The following NTM variants were observed in gnomAD, a reference collection of about 807,000 sequenced individuals.
The protein encoded by NTM is IgLON family member 2.
NTM carries 13 observed loss-of-function variants against 42.1 expected under a neutral mutation model. The ratio of observed to expected loss-of-function variants is 0.31; its 90% CI spans 0.20 to 0.49. The LOEUF (loss-of-function observed/expected upper bound fraction) is 0.49. Among genes scored for constraint, NTM ranks in the 20% least tolerant of loss-of-function variants. The pLI is 0.99. For synonymous variants in NTM, 187 were observed against 179.2 expected (o/e 1.04, Z -0.35); for missense variants, 373 against 452.8 (o/e 0.82, Z 1.60).
rs2081238365 is a variant in NTM, at chr11:131,741,819, CA to C, written c.83-169743del. The stretch of plus-strand genomic sequence containing the variant: ...CAGAGGACTGTCGAAGACACGGAAT[CA>C]ACCTAAACGTCCATCAGTGGTAGAT... On this transcript the variant is annotated intron_variant, in intron 1 of 8. Coordinates refer to ENST00000683400, the MANE Select transcript of NTM (RefSeq NM_001352005.2). Among the ~76,000 whole-genome samples the C allele has an allele frequency of 2.0e-5, 3 of 152,290 alleles. No individual in the cohort carries two copies. The South Asian group carries it at 6.2e-4, about 32-fold the overall frequency.
At chr11:131,551,082 G>T (rs528221590) in intron 1 of NTM, among the ~76,000 whole-genome samples, 76 of 152,222 alleles carry the variant, frequency 5.0e-4, no homozygotes, top group African/African-American at 1.7e-3. Context: ...TGTTGCCCAG[G>T]CTGGACTTGA....
intron 2 of NTM, among the ~76,000 whole-genome samples, chr11:131,988,653 C>T (rs2066482403): frequency 6.6e-6 from 1 of 152,122 alleles, no homozygotes; most frequent in African/African-American, 2.4e-5. Flanking sequence ...TTGCCACATC[C>T]ATTTAAATCA....
At chr11:132,171,873 G>A (rs1329533734) in intron 3 of NTM, among the ~76,000 whole-genome samples, 2 of 152,212 alleles carry the variant, frequency 1.3e-5, no homozygotes, top group Admixed American at 6.5e-5. Context: ...CCCCTCTCTT[G>A]TTGGGACTGT....
At chr11:131,687,575 C>T (rs1275065128) in intron 1 of NTM, among the ~76,000 whole-genome samples, 3 of 152,218 alleles carry the variant, frequency 2.0e-5, no homozygotes, top group South Asian at 2.1e-4. Flanking sequence ...CCTTCGCCCC[C>T]GGGGGTGGCT....
intron 1 of NTM, among the ~76,000 whole-genome samples, chr11:131,801,754 G>A (rs780542962): frequency 1.3e-5 from 2 of 152,194 alleles, no homozygotes; most frequent in South Asian, 4.1e-4. Context: ...ATGGTGGCAC[G>A]GGAACCAGGC....
chr11:132,201,697 A>T (rs1037695244), intron 3 of NTM, among the ~76,000 whole-genome samples: 7 of 152,238 alleles, frequency 4.6e-5, no homozygotes, highest in Non-Finnish European at 8.8e-5. Flanking sequence ...TACAGCAAAC[A>T]ATTATGCTGT....
chr11:132,030,647 G>A (rs1224888771), intron 2 of NTM, among the ~76,000 whole-genome samples: 2 of 152,232 alleles, frequency 1.3e-5, no homozygotes, highest in African/African-American at 4.8e-5. Context: ...ATATTGTGGA[G>A]TTGGAAGAGG....
intron 3 of NTM, among the ~76,000 whole-genome samples, chr11:132,160,241 G>C (rs2074005777): frequency 6.6e-6 from 1 of 152,162 alleles, no homozygotes; most frequent in African/African-American, 2.4e-5. Flanking sequence ...CATTCATATG[G>C]CAAATGAATT....
chr11:131,469,275 G>T (rs1952190201), intron 1 of NTM, among the ~76,000 whole-genome samples: 1 of 152,206 alleles, frequency 6.6e-6, no homozygotes, highest in Non-Finnish European at 1.5e-5. Context: ...TATCTTTGGA[G>T]TAGGGCATCT....
chr11:131,503,601 T>C (rs2512655), intron 1 of NTM, among the ~76,000 whole-genome samples: 65,244 of 151,012 alleles, frequency 0.43, 16,338 homozygotes, highest in African/African-American at 0.7. Context: ...TGGCTCACTG[T>C]AGCCTTAACC....
chr11:132,094,835 A>ATGTG (rs760743648), intron 2 of NTM, among the ~76,000 whole-genome samples: 1 of 151,098 alleles, frequency 6.6e-6, no homozygotes, highest in African/African-American at 2.4e-5. Flanking sequence ...ATCAGTGTGT[A>ATGTG]TGTGTGTGTG....
At chr11:131,687,755 A>T (rs957619919) in intron 1 of NTM, among the ~76,000 whole-genome samples, 5 of 152,136 alleles carry the variant, frequency 3.3e-5, no homozygotes, top group Admixed American at 6.5e-5. Context: ...AGGCGGCCAC[A>T]GGCGAGGGGG....
At chr11:131,594,234 A>T (rs2059624516) in intron 1 of NTM, among the ~76,000 whole-genome samples, 1 of 152,174 alleles carries the variant, frequency 6.6e-6, no homozygotes, top group Non-Finnish European at 1.5e-5. Flanking sequence ...CTGGGAAAGA[A>T]TTTATGCTAA....
At chr11:131,592,913 C>T (rs757690547) in intron 1 of NTM, among the ~76,000 whole-genome samples, 42 of 152,254 alleles carry the variant, frequency 2.8e-4, no homozygotes, top group South Asian at 8.3e-4. Flanking sequence ...TGCCAATCTC[C>T]GGCCACGTCT....
rs560290011 is a variant in NTM, at chr11:131,450,139, T to C, written c.82+79251T>C. On this transcript the variant is annotated intron_variant, in intron 1 of 8. Coordinates refer to ENST00000683400, the MANE Select transcript of NTM (RefSeq NM_001352005.2). ...TCTTAAGTCACTGCCACTTACTTTG[T>C]CCTGCAAAATAACTTCCCAAAGACT... 3.9e-5 allele frequency among the ~76,000 whole-genome samples: 6 copies of C among 152,284 alleles called. No individual in the cohort carries two copies. The South Asian group carries it at 1.2e-3, about 32-fold the overall frequency.
intron 1 of NTM, among the ~76,000 whole-genome samples, chr11:131,769,090 A>T (rs1023598223): frequency 1.3e-5 from 2 of 152,214 alleles, no homozygotes; most frequent in African/African-American, 4.8e-5. Context: ...GGCATAGAGC[A>T]TGTGCTGCAG....
At position 132,317,208 on chromosome 11, in the gene NTM, C is replaced by G. The variant is rs530339408; in HGVS notation, c.934+2505C>G. On this transcript the variant is annotated intron_variant, in intron 7 of 8. Transcript: ENST00000683400. ...GAGTTCTGCTCCCGCACTCCTGAAT[C>G]ACAGTGCTCTGGGGAGCTCGTTCGT... Among the ~76,000 whole-genome samples, 166 of 152,278 alleles carry G rather than the reference C, an allele frequency of 1.1e-3. 1 individual carries two copies. The highest frequency in any genetic ancestry group is 3.9e-3 in the African/African-American group (163 of 41,558).
chr11:132,313,764 C>T (rs1012676437), intron 6 of NTM, among the ~76,000 whole-genome samples: 2 of 152,150 alleles, frequency 1.3e-5, no homozygotes, highest in Non-Finnish European at 2.9e-5. Flanking sequence ...GCATACCTCA[C>T]TTCCCCCAAC....
chr11:131,650,838 C>A (rs2066393533), intron 1 of NTM, among the ~76,000 whole-genome samples: 1 of 152,176 alleles, frequency 6.6e-6, no homozygotes, highest in African/African-American at 2.4e-5. Context: ...TGGCCTCCTT[C>A]TTCTTCAGGG....
Sources: allele counts gnomAD v4.1 joint callset (sites outside exome capture counted in the v4.1 genomes callset), GRCh38; gene constraint gnomAD v4.1.1; transcripts MANE v1.5; gene names NCBI Gene and HGNC (gene_info 2026-07-23, HGNC 2026-07-21).